The following HS6ST3 variants were observed in gnomAD, a reference collection of about 807,000 sequenced individuals.
HS6ST3 encodes heparan-sulfate 6-O-sulfotransferase 3.
A neutral mutation model predicts 36.7 loss-of-function variants in HS6ST3; 12 were observed. The ratio of observed to expected loss-of-function variants is 0.33; its 90% confidence interval spans 0.21 to 0.53. The LOEUF (loss-of-function observed/expected upper bound fraction) is 0.53. Ranked by LOEUF, HS6ST3 falls within the 20% of genes least tolerant of loss-of-function variation. The probability of loss-of-function intolerance (pLI) is 0.95; values close to 1 mark genes in which losing one functional copy is unlikely to be tolerated. For synonymous variants in HS6ST3, 240 were observed against 257.5 expected (o/e 0.93, Z 0.65); for missense variants, 584 against 640.9 (o/e 0.91, Z 0.96).
rs1476824322 is a variant in HS6ST3 at position 96,207,417 on chromosome 13, G to A, written c.707+115848G>A. On this transcript the variant is annotated intron_variant, in intron 1 of 1. Transcript: ENST00000376705. Reference sequence around the variant, plus strand: ...TAGTTCAACCATTGTGGAAGACAGCGTGCAGTTCCTCAGAGATGCAGAGGC... The same window carrying A: ...TAGTTCAACCATTGTGGAAGACAGCATGCAGTTCCTCAGAGATGCAGAGGC... Among the ~76,000 whole-genome samples the A allele has an allele frequency of 5.9e-5, 9 of 151,908 alleles. 1 individual carries two copies. The highest frequency in any genetic ancestry group is 4.2e-4 in the South Asian group (2 of 4,814).
chr13:96,222,152 A>G (rs1254269615), intron 1 of HS6ST3, among the ~76,000 whole-genome samples: 3 of 152,214 alleles, frequency 2.0e-5, no homozygotes, highest in African/African-American at 7.2e-5. Context: ...TTAAAACTTC[A>G]TAAGACAGTC....
chr13:96,126,002 C>T (rs772156808), intron 1 of HS6ST3, among the ~76,000 whole-genome samples: 4 of 151,886 alleles, frequency 2.6e-5, no homozygotes, highest in Non-Finnish European at 5.9e-5. Flanking sequence ...AAAAGTTTTA[C>T]AAGTAACGGC....
chr13:96,114,181 A>C (rs1257574609), intron 1 of HS6ST3, among the ~76,000 whole-genome samples: 1 of 151,736 alleles, frequency 6.6e-6, no homozygotes, highest in African/African-American at 2.4e-5. Context: ...TGACAGGATC[A>C]GTCTCTGTCA....
At chr13:96,356,007 G>A (rs2055208382) in intron 1 of HS6ST3, among the ~76,000 whole-genome samples, 2 of 152,160 alleles carry the variant, frequency 1.3e-5, no homozygotes, top group Admixed American at 6.5e-5. Context: ...GCTCATCCAT[G>A]AGAAGCAACT....
chr13:96,111,618 G>A (rs537676883), intron 1 of HS6ST3, among the ~76,000 whole-genome samples: 20 of 152,260 alleles, frequency 1.3e-4, no homozygotes, highest in Admixed American at 9.8e-4. Context: ...ATCCTGAACC[G>A]TGTTTCCACA....
chr13:96,645,988 G>A (rs544274498), intron 1 of HS6ST3, among the ~76,000 whole-genome samples: 73 of 151,376 alleles, frequency 4.8e-4, no homozygotes, highest in African/African-American at 1.6e-3. Flanking sequence ...AAAAAAAAAA[G>A]TTGCTACTAA....
chr13:96,452,365 A>G (rs2055732590), intron 1 of HS6ST3, among the ~76,000 whole-genome samples: 1 of 152,228 alleles, frequency 6.6e-6, no homozygotes, highest in Admixed American at 6.5e-5. Context: ...ACTCCAAGAA[A>G]TTACAAAGTT....
chr13:96,306,591 G>A (rs1368617117), intron 1 of HS6ST3, among the ~76,000 whole-genome samples: 2 of 152,156 alleles, frequency 1.3e-5, no homozygotes, highest in East Asian at 3.9e-4. Context: ...TAGAGTGACA[G>A]TGCTCATAAG....
intron 1 of HS6ST3, among the ~76,000 whole-genome samples, chr13:96,132,140 A>G (rs1350625968): frequency 6.9e-6 from 1 of 145,020 alleles, no homozygotes; most frequent in Non-Finnish European, 1.5e-5. Flanking sequence ...ACACACACAC[A>G]CACACACACA....
chr13:96,343,300 GC>G (rs1445232612), intron 1 of HS6ST3, among the ~76,000 whole-genome samples: 2 of 152,216 alleles, frequency 1.3e-5, no homozygotes, highest in African/African-American at 2.4e-5. Context: ...CAAGGTGTCA[GC>G]AAGCATGCAT....
intron 1 of HS6ST3, among the ~76,000 whole-genome samples, chr13:96,737,364 G>A (rs1447641430): frequency 6.6e-6 from 1 of 151,952 alleles, no homozygotes; most frequent in Non-Finnish European, 1.5e-5. Context: ...GGTGGTTCAC[G>A]CCTGTAATCC....
At chr13:96,136,691 A>G (rs1316295242) in intron 1 of HS6ST3, among the ~76,000 whole-genome samples, 1 of 39,916 alleles carries the variant, frequency 2.5e-5, no homozygotes, top group Non-Finnish European at 4.8e-5. Context: ...ACATATATAT[A>G]TATATATATA....
intron 1 of HS6ST3, among the ~76,000 whole-genome samples, chr13:96,481,311 A>G (rs1410577686): frequency 6.6e-6 from 1 of 152,212 alleles, no homozygotes; most frequent in Non-Finnish European, 1.5e-5. Context: ...TAAAAAAGCA[A>G]TCACAAGCCA....
intron 1 of HS6ST3, among the ~76,000 whole-genome samples, chr13:96,418,996 C>T (rs1566355891): frequency 6.6e-6 from 1 of 152,202 alleles, no homozygotes; most frequent in Non-Finnish European, 1.5e-5. Flanking sequence ...CATGAAACGC[C>T]CCGATAAATG....
intron 1 of HS6ST3, among the ~76,000 whole-genome samples, chr13:96,092,866 A>T (rs1245534237): frequency 6.6e-6 from 1 of 152,180 alleles, no homozygotes; most frequent in Non-Finnish European, 1.5e-5. Context: ...CCTGCACATT[A>T]GTTAGAATAA....
chr13:96,311,543 C>T (rs2054941182), intron 1 of HS6ST3, among the ~76,000 whole-genome samples: 1 of 152,078 alleles, frequency 6.6e-6, no homozygotes, highest in Non-Finnish European at 1.5e-5. Flanking sequence ...CGTCATGAAA[C>T]ATGGATTTAA....
chr13:96,117,029 A>G (rs1458181546), intron 1 of HS6ST3, among the ~76,000 whole-genome samples: 1 of 152,212 alleles, frequency 6.6e-6, no homozygotes, highest in African/African-American at 2.4e-5. Flanking sequence ...GTGATCTCCA[A>G]TTTACTCATC....
intron 1 of HS6ST3, among the ~76,000 whole-genome samples, chr13:96,193,283 G>C (rs1162662271): frequency 6.6e-6 from 1 of 152,092 alleles, no homozygotes; most frequent in Non-Finnish European, 1.5e-5. Context: ...TCTCAAAGCC[G>C]AACGAAATAG....
At chr13:96,118,216 A>T (rs1027420243) in intron 1 of HS6ST3, among the ~76,000 whole-genome samples, 1 of 152,098 alleles carries the variant, frequency 6.6e-6, no homozygotes, top group African/African-American at 2.4e-5. Flanking sequence ...AAAAATAAGT[A>T]AGGCTAAATG....
Sources: allele counts gnomAD v4.1 joint callset (sites outside exome capture counted in the v4.1 genomes callset), GRCh38; gene constraint gnomAD v4.1.1; transcripts MANE v1.5; gene names NCBI Gene and HGNC (gene_info 2026-07-23, HGNC 2026-07-21).